The following MALRD1 variants were observed in gnomAD, a reference collection of about 807,000 sequenced individuals.
MALRD1 encodes the protein MAM and LDL receptor class A domain containing 1, also known as MAM and LDL-receptor class A domain-containing protein 1.
In MALRD1, 247 loss-of-function variants were observed where a neutral mutation model predicts 242.1. The observed-to-expected ratio is 1.02, with a 90% CI of 0.92 to 1.13. The LOEUF (loss-of-function observed/expected upper bound fraction) is 1.13, where lower values mean the gene tolerates loss of function less well. MALRD1 is among the 50% of genes most tolerant of loss of function. MALRD1 has a pLI of 0.00. For synonymous variants in MALRD1, 995 were observed against 866.6 expected (o/e 1.15, Z -2.60); for missense variants, 2,989 against 2,533.1 (o/e 1.18, Z -3.86).
At chr10:19,498,131 G>A (rs181940880) in intron 30 of MALRD1, among the ~76,000 whole-genome samples, 5 of 152,238 alleles carry the variant, frequency 3.3e-5, no homozygotes, top group Admixed American at 3.3e-4. Flanking sequence ...AATAAGGGAC[G>A]GAAGTGAATT....
intron 26 of MALRD1, 105 bp downstream of exon 26, chr10:19,352,402 C>G (rs1844427335): frequency 1.1e-5 from 11 of 1,016,794 alleles, no homozygotes; most frequent in African/African-American, 1.6e-5. Context: ...TAATTTATCA[C>G]TTTCATAAAG....
intron 28 of MALRD1, among the ~76,000 whole-genome samples, chr10:19,400,502 T>G (rs761893442): frequency 6.6e-6 from 1 of 152,314 alleles, no homozygotes; most frequent in South Asian, 2.1e-4. Context: ...CTGTCCTGTC[T>G]GTAGCAAGTA....
At chr10:19,477,483 AATAAAC>A (rs1317357882) in intron 29 of MALRD1, among the ~76,000 whole-genome samples, 2 of 152,106 alleles carry the variant, frequency 1.3e-5, no homozygotes, top group African/African-American at 4.8e-5. Context: ...TAAATAAATA[AATAAAC>A]ACAATAATTG....
chr10:19,345,671 ATC>A (rs1844083195), intron 24 of MALRD1, among the ~76,000 whole-genome samples: 2 of 152,266 alleles, frequency 1.3e-5, no homozygotes, highest in African/African-American at 4.8e-5. Flanking sequence ...CAGAAAATGT[ATC>A]TCTATCCTTG....
intron 36 of MALRD1, among the ~76,000 whole-genome samples, chr10:19,622,407 T>C (rs1383773028): frequency 6.6e-6 from 1 of 151,550 alleles, no homozygotes; most frequent in African/African-American, 2.4e-5. Flanking sequence ...TAGAAATACA[T>C]TTAATAAAAT....
intron 8 of MALRD1, among the ~76,000 whole-genome samples, chr10:19,132,772 A>G (rs987124667): frequency 2.0e-5 from 3 of 152,138 alleles, no homozygotes; most frequent in African/African-American, 7.2e-5. Flanking sequence ...ATATGTAAAC[A>G]TTATGAACAA....
intron 31 of MALRD1, among the ~76,000 whole-genome samples, chr10:19,508,338 CTG>C (rs1442277637): frequency 2.0e-5 from 3 of 151,856 alleles, no homozygotes; most frequent in South Asian, 2.1e-4. Flanking sequence ...GAGTCAGAAA[CTG>C]TGAAAAAAAG....
chr10:19,595,872 G>A (rs1266962827), intron 34 of MALRD1, among the ~76,000 whole-genome samples: 1 of 152,094 alleles, frequency 6.6e-6, no homozygotes, highest in African/African-American at 2.4e-5. Flanking sequence ...GACAAATATT[G>A]ATTTTAATGG....
intron 21 of MALRD1, among the ~76,000 whole-genome samples, chr10:19,284,082 G>C (rs11009303): frequency 6.6e-6 from 1 of 152,318 alleles, no homozygotes; most frequent in East Asian, 1.9e-4. Flanking sequence ...GACCATACAG[G>C]AAGACCAGCA....
chr10:19,416,300 A>G (rs1022819787), intron 28 of MALRD1, among the ~76,000 whole-genome samples: 2 of 152,194 alleles, frequency 1.3e-5, no homozygotes, highest in African/African-American at 4.8e-5. Flanking sequence ...ACAAATCAGC[A>G]TTTCCACAAT....
At chr10:19,447,101 CAG>C (rs1835038433) in intron 28 of MALRD1, among the ~76,000 whole-genome samples, 1 of 143,326 alleles carries the variant, frequency 7.0e-6, no homozygotes, top group Non-Finnish European at 1.5e-5. Flanking sequence ...CACACACACA[CAG>C]AGCATGAGCA....
At chr10:19,669,826 A>G (rs1216280916) in intron 36 of MALRD1, among the ~76,000 whole-genome samples, 1 of 152,194 alleles carries the variant, frequency 6.6e-6, no homozygotes, top group Non-Finnish European at 1.5e-5. Context: ...GGCTGCTTGG[A>G]GGCAGTGAGT....
In MALRD1 at chr10:19,112,080, C is replaced by G. The variant is rs115203794; in HGVS notation, c.694+8005C>G. On this transcript the variant is annotated intron_variant, in intron 5 of 39. Coordinates refer to ENST00000454679, the MANE Select transcript of MALRD1 (RefSeq NM_001142308.3). ...GAATCACATCAGGGAGTGATTGATT[C>G]TGGGCTTCACTCCAGTGATAGATGG... is the stretch of plus-strand genomic sequence containing the variant. 5.9e-3 allele frequency among the ~76,000 whole-genome samples: 901 copies of G among 151,644 alleles called. 9 individuals carry two copies. Among genetic ancestry groups the G allele is most frequent in the African/African-American group, 0.019 (778 of 41,322 alleles).
At chr10:19,306,136 A>AGT (rs1564546953) in intron 21 of MALRD1, among the ~76,000 whole-genome samples, 6 of 125,110 alleles carry the variant, frequency 4.8e-5, no homozygotes, top group African/African-American at 1.8e-4. Context: ...TATATAGTAT[A>AGT]GTATATATAT....
intron 28 of MALRD1, among the ~76,000 whole-genome samples, chr10:19,418,864 A>G (rs1478383728): frequency 6.6e-6 from 1 of 152,172 alleles, no homozygotes; most frequent in Admixed American, 6.6e-5. Context: ...CAGTTTTGGG[A>G]TTGGCCTCCT....
intron 18 of MALRD1, among the ~76,000 whole-genome samples, chr10:19,245,623 T>C (rs1839011528): frequency 6.6e-6 from 1 of 152,176 alleles, no homozygotes; most frequent in South Asian, 2.1e-4. Context: ...AATCCACTTG[T>C]CCTTTTTAAC....
At chr10:19,110,048 A>G (rs961879668) in intron 5 of MALRD1, among the ~76,000 whole-genome samples, 1 of 152,160 alleles carries the variant, frequency 6.6e-6, no homozygotes, top group Non-Finnish European at 1.5e-5. Context: ...TCCATTTTCT[A>G]TGAATCCAGT....
chr10:19,512,175 A>T (rs1232076891), intron 31 of MALRD1, among the ~76,000 whole-genome samples: 16 of 152,244 alleles, frequency 1.1e-4, no homozygotes, highest in African/African-American at 3.9e-4. Context: ...GATCATGAAA[A>T]ATGTGGTTAT....
At chr10:19,490,506 CGG>C (rs71388843) in intron 29 of MALRD1, among the ~76,000 whole-genome samples, 3 of 19,886 alleles carry the variant, frequency 1.5e-4, no homozygotes, top group African/African-American at 5.5e-4. Context: ...CCAAGTGGGG[CGG>C]GGGGGGGGCA....
Sources: allele counts gnomAD v4.1 joint callset (sites outside exome capture counted in the v4.1 genomes callset), GRCh38; gene constraint gnomAD v4.1.1; transcripts MANE v1.5; gene names NCBI Gene and HGNC (gene_info 2026-07-23, HGNC 2026-07-21).